The following ZBTB7C variants were observed in gnomAD, a reference collection of about 807,000 sequenced individuals.
ZBTB7C encodes zinc finger and BTB domain containing 7C.
Under a neutral mutation model 25.7 loss-of-function variants are expected in ZBTB7C, and 8 were observed. The observed-to-expected ratio is 0.31, with a 90% CI of 0.18 to 0.56. The LOEUF (loss-of-function observed/expected upper bound fraction) is 0.56. Among genes scored for constraint, ZBTB7C ranks in the 20% least tolerant of loss-of-function variants. The pLI is 0.91. For missense variants in ZBTB7C, 824 were observed against 855.2 expected, an observed-to-expected ratio of 0.96 and a Z score of 0.46; for synonymous variants, 394 against 369.0, an observed-to-expected ratio of 1.07 and a Z score of -0.78.
chr18:48,401,790 T>C (rs1288786179), intron 1 of ZBTB7C, among the ~76,000 whole-genome samples: 2 of 152,150 alleles, frequency 1.3e-5, no homozygotes, highest in African/African-American at 4.8e-5. Context: ...GGGTCCCTCC[T>C]GTTTCTGTCT....
intron 2 of ZBTB7C, among the ~76,000 whole-genome samples, chr18:48,220,694 G>A (rs1339188055): frequency 1.3e-5 from 2 of 152,126 alleles, no homozygotes; most frequent in South Asian, 2.1e-4. Context: ...CAATAAAGAC[G>A]GTTAAAACTT....
At position 48,112,596 on chromosome 18, in the gene ZBTB7C, G is replaced by A. The variant is rs544470001; in HGVS notation, c.-16-71473C>T. On this transcript the variant is annotated intron_variant, in intron 3 of 4. Coordinates refer to ENST00000590800, the MANE Select transcript of ZBTB7C (RefSeq NM_001318841.2). The stretch of plus-strand genomic sequence containing the variant: ...CTCCTGAACTCTTGAACTCTTGAAC[G>A]ACTTGGCCTCCCAAAGTGCTGGCAT... 3.9e-4 allele frequency among the ~76,000 whole-genome samples: 59 copies of A among 152,188 alleles called. 1 individual carries two copies. Among genetic ancestry groups the A allele is most frequent in the African/African-American group, 1.2e-3 (49 of 41,522 alleles).
At chr18:48,175,875 C>T (rs565476769) in intron 3 of ZBTB7C, among the ~76,000 whole-genome samples, 19 of 152,324 alleles carry the variant, frequency 1.2e-4, no homozygotes, top group Non-Finnish European at 2.5e-4. Context: ...CTGTTGCTTA[C>T]AGTAGAATGC....
intron 4 of ZBTB7C, among the ~76,000 whole-genome samples, chr18:48,030,438 T>A (rs1009174046): frequency 6.6e-6 from 1 of 152,206 alleles, no homozygotes; most frequent in Non-Finnish European, 1.5e-5. Context: ...TCTGGGAGGC[T>A]ATAGAAGCTT....
chr18:48,177,226 C>T (rs2041711155), intron 3 of ZBTB7C, among the ~76,000 whole-genome samples: 1 of 152,172 alleles, frequency 6.6e-6, no homozygotes, highest in South Asian at 2.1e-4. Flanking sequence ...AAGTGGTCCC[C>T]TCGCCCTCCT....
chr18:48,314,849 G>A (rs1164875170), intron 2 of ZBTB7C, among the ~76,000 whole-genome samples: 1 of 152,118 alleles, frequency 6.6e-6, no homozygotes, highest in African/African-American at 2.4e-5. Context: ...CATTTTTAAT[G>A]AGCCATTTTC....
intron 3 of ZBTB7C, among the ~76,000 whole-genome samples, chr18:48,117,784 C>T (rs1352244974): frequency 2.0e-5 from 3 of 152,094 alleles, no homozygotes; most frequent in Admixed American, 6.5e-5. Context: ...GTAAAACATA[C>T]CAAACAGCTC....
At chr18:48,387,983 C>A (rs1599017421) in intron 1 of ZBTB7C, among the ~76,000 whole-genome samples, 1 of 152,256 alleles carries the variant, frequency 6.6e-6, no homozygotes, top group African/African-American at 2.4e-5. Flanking sequence ...CCCACCACCA[C>A]ACCCAGCTAA....
chr18:48,177,203 G>T (rs571962427), intron 3 of ZBTB7C, among the ~76,000 whole-genome samples: 6 of 152,186 alleles, frequency 3.9e-5, no homozygotes, highest in Non-Finnish European at 5.9e-5. Flanking sequence ...CTGGAGGGTG[G>T]CTTCCACCAG....
At chr18:48,318,506 G>A (rs990949308) in intron 2 of ZBTB7C, among the ~76,000 whole-genome samples, 21 of 152,282 alleles carry the variant, frequency 1.4e-4, no homozygotes, top group Middle Eastern at 3.4e-3. Flanking sequence ...TGCTGGCATG[G>A]CGACAGGCTG....
rs2044948266 is a variant in ZBTB7C at position 48,283,890 on chromosome 18, T to C, written c.-79+54284A>G. On this transcript the variant is annotated intron_variant, in intron 2 of 4. Transcript: ENST00000590800. ...GGCCAGGCACAGTGGCTCACACTTGTAACCCCAGAACTTTGGGAGGCAAAG... is the reference window on the plus strand; with the variant it reads ...GGCCAGGCACAGTGGCTCACACTTGCAACCCCAGAACTTTGGGAGGCAAAG... 3.3e-5 allele frequency among the ~76,000 whole-genome samples: 5 copies of C among 152,194 alleles called. No homozygotes were observed. In the South Asian group the frequency reaches 1.0e-3, roughly 32 times the overall value.
rs1298970355 is a variant in ZBTB7C, at chr18:48,029,651, C to T, written c.1469G>A (p.Ser490Asn). 1 of 1,549,794 alleles carries T rather than the reference C, an allele frequency of 6.5e-7. No homozygotes were observed. The highest frequency in any genetic ancestry group is 2.0e-5 in the Admixed American group (1 of 50,760). Reference protein sequence around the residue: ...GRKPAAWRAASLLFGPGGPAP... With the variant: ...GRKPAAWRAANLLFGPGGPAP... ...CGGGCCGCCGGGCCCGAAGAGCAGG[C>T]TGGCGGCCCTCCACGCAGCAGGCTT... The change falls in exon 5 of 5, where the codon AGC becomes AAC. Residue 490 changes from serine (S) to asparagine (N), a missense_variant. Around this residue, in one of 4 missense-constraint regions of ZBTB7C, gnomAD observed 342 missense variants for 307.0 expected, o/e 1.11. Transcript: ENST00000590800.
At chr18:48,030,864 G>A (rs2035715729) in intron 4 of ZBTB7C, among the ~76,000 whole-genome samples, 1 of 151,942 alleles carries the variant, frequency 6.6e-6, no homozygotes, top group Non-Finnish European at 1.5e-5. Flanking sequence ...TCAGGGGGTT[G>A]TTTTCATAAA....
At chr18:48,201,099 T>C (rs1269952982) in intron 2 of ZBTB7C, among the ~76,000 whole-genome samples, 1 of 152,196 alleles carries the variant, frequency 6.6e-6, no homozygotes, top group Non-Finnish European at 1.5e-5. Context: ...TTTAAGCCCC[T>C]AAAGACATGG....
In ZBTB7C at chr18:48,040,814, G is replaced by A. The variant is rs765349453; in HGVS notation, c.294C>T (p.Thr98=). ...TGTGCTTGACATTGCCAGCGGTGAT[G>A]GTGAGCGTGGAGGTGTAGGCGAACT... The part of the protein sequence containing the change: ...ILEFAYTSTL[T]ITAGNVKHIL... The change falls in exon 4 of 5, where the codon ACC becomes ACT. Residue 98 remains threonine, a synonymous_variant. Coordinates refer to ENST00000590800, the MANE Select transcript of ZBTB7C (RefSeq NM_001318841.2). 18 of 1,613,904 alleles carry A rather than the reference G, an allele frequency of 1.1e-5. No homozygotes were observed. The highest frequency in any genetic ancestry group is 8.5e-7 in the Non-Finnish European group (1 of 1,179,948).
chr18:48,112,567 T>C (rs984083918), intron 3 of ZBTB7C, among the ~76,000 whole-genome samples: 1 of 152,120 alleles, frequency 6.6e-6, no homozygotes, highest in Non-Finnish European at 1.5e-5. Context: ...AGGCTAGTCT[T>C]GAACTCCTGA....
intron 3 of ZBTB7C, among the ~76,000 whole-genome samples, chr18:48,184,334 T>A (rs546618953): frequency 6.6e-6 from 1 of 152,298 alleles, no homozygotes; most frequent in East Asian, 1.9e-4. Context: ...TTGCATAATC[T>A]GAGCAATGTC....
intron 3 of ZBTB7C, among the ~76,000 whole-genome samples, chr18:48,160,452 C>T (rs149131533): frequency 9.8e-5 from 15 of 152,294 alleles, no homozygotes; most frequent in African/African-American, 2.6e-4. Flanking sequence ...TCCAGCTCTG[C>T]CACTAACTAG....
At position 48,294,104 on chromosome 18, in the gene ZBTB7C, G is replaced by A. The variant is rs78536491; in HGVS notation, c.-79+44070C>T. Among the ~76,000 whole-genome samples the A allele has an allele frequency of 1.4e-3, 208 of 152,352 alleles. 1 individual carries two copies. The highest frequency in any genetic ancestry group is 4.7e-3 in the African/African-American group (195 of 41,598). ...GGGGAAGGGCAAGCAAGCTGCTGGCGTGGTTCAGCATGCACCTTCCCCTGG... is the reference window on the plus strand; with the variant it reads ...GGGGAAGGGCAAGCAAGCTGCTGGCATGGTTCAGCATGCACCTTCCCCTGG... On this transcript the variant is annotated intron_variant, in intron 2 of 4. Coordinates refer to ENST00000590800, the MANE Select transcript of ZBTB7C (RefSeq NM_001318841.2).
Sources: gnomAD v4.1 joint callset for allele counts (sites outside exome capture counted in the v4.1 genomes callset) on GRCh38, gnomAD v4.1.1 for gene constraint, gnomAD v4.1.1 regional missense constraint, MANE v1.5 for transcripts, NCBI Gene and HGNC (gene_info 2026-07-23, HGNC 2026-07-21) for gene names.